Variants in TSPAN18 observed in about 807,000 individuals in gnomAD.
TSPAN18 encodes the protein tetraspanin-18.
In TSPAN18, 14 loss-of-function variants were observed where a neutral mutation model predicts 27.3. The observed-to-expected ratio is 0.51, with a 90% CI of 0.34 to 0.80. The LOEUF (loss-of-function observed/expected upper bound fraction) is 0.80. TSPAN18 is among the 30% of genes least tolerant of loss of function. The pLI is 0.01. For synonymous variants in TSPAN18, 143 were observed against 136.5 expected (o/e 1.05, Z -0.33); for missense variants, 268 against 323.9 (o/e 0.83, Z 1.32).
chr11:44,769,801 T>C (rs1045237259), intron 2 of TSPAN18, among the ~76,000 whole-genome samples: 1 of 152,252 alleles, frequency 6.6e-6, no homozygotes, highest in African/African-American at 2.4e-5. Flanking sequence ...TGGTGTCTTT[T>C]CTGGTTTTTC....
At chr11:44,847,578 A>C (rs1857510884) in intron 2 of TSPAN18, among the ~76,000 whole-genome samples, 1 of 152,200 alleles carries the variant, frequency 6.6e-6, no homozygotes, top group Non-Finnish European at 1.5e-5. Context: ...ACTATAAATA[A>C]TGCTGCTATA....
rs1860514908 is a variant in TSPAN18 at position 44,930,265 on chromosome 11, TCTC to T, written c.*1089_*1091del. ...CTTCTTCAACATCCTTGCCAAGACT[TCTC>T]CACCCTCTTGCATACCTCCAGGGAC... is the stretch of plus-strand genomic sequence containing the variant. On this transcript the variant is annotated 3_prime_UTR_variant, in exon 10 of 10. Coordinates refer to ENST00000520358, the MANE Select transcript of TSPAN18 (RefSeq NM_130783.5). The T allele has an allele frequency of 1.3e-5, 2 of 152,476 alleles. No homozygotes were observed. Among genetic ancestry groups the T allele is most frequent in the South Asian group, 4.1e-4 (2 of 4,826 alleles). 9.4% of individuals were successfully genotyped at this position (152,476 alleles called of 1,614,324 possible).
intron 1 of TSPAN18, among the ~76,000 whole-genome samples, chr11:44,745,765 C>T (rs1206786585): frequency 2.6e-5 from 4 of 152,226 alleles, no homozygotes; most frequent in East Asian, 3.9e-4. Context: ...CGGTGGCTCA[C>T]GCCTGTAATC....
chr11:44,783,283 C>A (rs754026), intron 2 of TSPAN18, among the ~76,000 whole-genome samples: 10 of 152,370 alleles, frequency 6.6e-5, no homozygotes, highest in Middle Eastern at 3.4e-3. Context: ...ACTGACTTCA[C>A]TGAAATTAAA....
intron 3 of TSPAN18, 62 bp from the exon 4 acceptor site, chr11:44,906,345 G>T: frequency 6.7e-7 from 1 of 1,483,560 alleles, no homozygotes. Flanking sequence ...CTGGGGAGGG[G>T]CTGGGGTTCT....
chr11:44,900,117 C>A (rs1859203918), intron 3 of TSPAN18, among the ~76,000 whole-genome samples: 1 of 152,224 alleles, frequency 6.6e-6, no homozygotes, highest in African/African-American at 2.4e-5. Context: ...GTGGAGCTAA[C>A]AGCCAGGCAG....
chr11:44,800,006 G>GGTTTTTTTTT (rs1554985027), intron 2 of TSPAN18, among the ~76,000 whole-genome samples: 110 of 109,342 alleles, frequency 1.0e-3, no homozygotes, highest in African/African-American at 2.0e-3. Context: ...AATTTTTTGT[G>GGTTTTTTTTT]TTTTTTTTTT....
At chr11:44,797,472 C>T (rs567216285) in intron 2 of TSPAN18, among the ~76,000 whole-genome samples, 4 of 152,050 alleles carry the variant, frequency 2.6e-5, no homozygotes, top group Admixed American at 1.3e-4. Flanking sequence ...ACTTTCTGAG[C>T]GATGTGAGGG....
intron 2 of TSPAN18, among the ~76,000 whole-genome samples, chr11:44,777,970 A>AT (rs1000322000): frequency 2.6e-5 from 4 of 151,986 alleles, no homozygotes; most frequent in African/African-American, 7.3e-5. Context: ...CTCTTAAAGG[A>AT]TTTTTCCCCC....
At chr11:44,839,276 C>A (rs1199225813) in intron 2 of TSPAN18, among the ~76,000 whole-genome samples, 1 of 152,186 alleles carries the variant, frequency 6.6e-6, no homozygotes, top group East Asian at 1.9e-4. Context: ...TCTGGGCCCC[C>A]CGGCTCCCCA....
At chr11:44,776,906 G>T (rs1272319247) in intron 2 of TSPAN18, among the ~76,000 whole-genome samples, 1 of 152,198 alleles carries the variant, frequency 6.6e-6, no homozygotes, top group Non-Finnish European at 1.5e-5. Context: ...GATTGGGTTT[G>T]GGACCCAAGC....
chr11:44,799,291 C>A (rs958759130), intron 2 of TSPAN18, among the ~76,000 whole-genome samples: 1 of 151,840 alleles, frequency 6.6e-6, no homozygotes, highest in Middle Eastern at 3.4e-3. Flanking sequence ...TTTTTGTCTG[C>A]CTAAGGAGCC....
intron 2 of TSPAN18, among the ~76,000 whole-genome samples, chr11:44,775,219 A>G (rs1384415359): frequency 1.3e-5 from 2 of 152,124 alleles, no homozygotes; most frequent in Admixed American, 1.3e-4. Context: ...CCCAAGCAAT[A>G]TTTGTTCCAT....
At chr11:44,821,746 T>C (rs968744797) in intron 2 of TSPAN18, among the ~76,000 whole-genome samples, 8 of 152,220 alleles carry the variant, frequency 5.3e-5, no homozygotes, top group African/African-American at 1.9e-4. Context: ...GACTACAACA[T>C]TGTCTAGCAC....
intron 2 of TSPAN18, among the ~76,000 whole-genome samples, chr11:44,813,384 G>A (rs1176787688): frequency 1.3e-5 from 2 of 152,174 alleles, no homozygotes; most frequent in African/African-American, 4.8e-5. Context: ...GGGGAAAGTG[G>A]GAATCATGAT....
At chr11:44,787,224 T>A (rs1856079069) in intron 2 of TSPAN18, among the ~76,000 whole-genome samples, 1 of 152,242 alleles carries the variant, frequency 6.6e-6, no homozygotes, top group Non-Finnish European at 1.5e-5. Flanking sequence ...ATCAACTCAC[T>A]TAATCCTCAC....
intron 2 of TSPAN18, among the ~76,000 whole-genome samples, chr11:44,801,897 T>C (rs888188407): frequency 6.6e-6 from 1 of 151,996 alleles, no homozygotes; most frequent in African/African-American, 2.4e-5. Context: ...CTGGGTGTGG[T>C]GGTGTCCACC....
chr11:44,773,834 T>G (rs894550493), intron 2 of TSPAN18, among the ~76,000 whole-genome samples: 3 of 152,162 alleles, frequency 2.0e-5, no homozygotes, highest in Admixed American at 6.5e-5. Context: ...TCAATAAGTA[T>G]TTGGTTGCAG....
intron 2 of TSPAN18, among the ~76,000 whole-genome samples, chr11:44,806,513 T>G (rs1199358193): frequency 6.6e-6 from 1 of 152,216 alleles, no homozygotes; most frequent in Non-Finnish European, 1.5e-5. Flanking sequence ...GCACTAGATC[T>G]GTTAGAATGG....
Sources: gnomAD v4.1 joint callset for allele counts (sites outside exome capture counted in the v4.1 genomes callset) on GRCh38, gnomAD v4.1.1 for gene constraint, MANE v1.5 for transcripts, NCBI Gene and HGNC (gene_info 2026-07-23, HGNC 2026-07-21) for gene names.